Variants in TAFA1 observed in about 807,000 individuals in gnomAD.
TAFA1 encodes the protein chemokine-like protein TAFA-1.
TAFA1 carries 4 observed loss-of-function variants against 18.5 expected under a neutral mutation model. The ratio of observed to expected loss-of-function variants is 0.22; its 90% CI spans 0.11 to 0.49. The LOEUF is 0.49. Ranked by LOEUF, TAFA1 falls within the 20% of genes least tolerant of loss-of-function variation. The probability of loss-of-function intolerance (pLI) is 0.98; values close to 1 mark genes in which losing one functional copy is unlikely to be tolerated. For missense variants in TAFA1, 147 were observed against 169.0 expected (o/e 0.87, Z 0.72); for synonymous variants, 56 against 55.2 (o/e 1.01, Z -0.06).
intron 3 of TAFA1, among the ~76,000 whole-genome samples, chr3:68,431,280 A>C (rs1408961687): frequency 2.0e-5 from 3 of 152,024 alleles, no homozygotes; most frequent in African/African-American, 7.2e-5. Flanking sequence ...ATCTTCAAGC[A>C]CATAAGTTTG....
At chr3:68,502,825 T>C (rs1511900) in intron 3 of TAFA1, among the ~76,000 whole-genome samples, 30,830 of 151,984 alleles carry the variant, frequency 0.2, 3,227 homozygotes, top group Middle Eastern at 0.24. Flanking sequence ...AACCAAGCAT[T>C]ATTCTAAGAT....
intron 2 of TAFA1, among the ~76,000 whole-genome samples, chr3:68,197,893 T>C (rs2066430394): frequency 6.6e-6 from 1 of 151,708 alleles, no homozygotes; most frequent in African/African-American, 2.4e-5. Flanking sequence ...AGACTTGAAT[T>C]GTATGTAGTT....
At chr3:68,001,725 A>G (rs1704285726), upstream of TAFA1, among the ~76,000 whole-genome samples, 1 of 152,196 alleles carries the variant, frequency 6.6e-6, no homozygotes, top group African/African-American at 2.4e-5. Context: ...AATTCAATTA[A>G]TAAGTGAATT....
intron 2 of TAFA1, among the ~76,000 whole-genome samples, chr3:68,388,672 G>A (rs1229787559): frequency 2.0e-5 from 3 of 151,752 alleles, no homozygotes; most frequent in Non-Finnish European, 4.4e-5. Context: ...ATACGCTTTC[G>A]GCCTATATTC....
chr3:68,412,865 G>A (rs1268938771), intron 2 of TAFA1, among the ~76,000 whole-genome samples: 1 of 152,072 alleles, frequency 6.6e-6, no homozygotes, highest in African/African-American at 2.4e-5. Flanking sequence ...ATAGCAGCAT[G>A]ATTTATAGTC....
At chr3:68,527,246 G>C (rs2073122038) in intron 3 of TAFA1, among the ~76,000 whole-genome samples, 1 of 152,124 alleles carries the variant, frequency 6.6e-6, no homozygotes, top group African/African-American at 2.4e-5. Context: ...TCCAGGACTG[G>C]TATGCAGCCT....
chr3:68,068,939 A>G (rs1272321164), intron 2 of TAFA1, among the ~76,000 whole-genome samples: 1 of 152,220 alleles, frequency 6.6e-6, no homozygotes, highest in Non-Finnish European at 1.5e-5. Flanking sequence ...TCTAATACAA[A>G]GGTTGTCAGT....
intron 3 of TAFA1, among the ~76,000 whole-genome samples, chr3:68,451,117 G>C (rs534052342): frequency 1.3e-5 from 2 of 152,248 alleles, no homozygotes; most frequent in South Asian, 2.1e-4. Flanking sequence ...AACAAATAGG[G>C]TAGCCCAGTT....
chr3:68,454,579 G>A (rs1459664939), intron 3 of TAFA1, among the ~76,000 whole-genome samples: 1 of 152,100 alleles, frequency 6.6e-6, no homozygotes, highest in African/African-American at 2.4e-5. Context: ...GAGCCATTTG[G>A]ACACTATGTA....
intron 2 of TAFA1, among the ~76,000 whole-genome samples, chr3:68,215,372 A>G (rs577495897): frequency 6.6e-6 from 1 of 152,036 alleles, no homozygotes; most frequent in African/African-American, 2.4e-5. Context: ...CAATTTTTCC[A>G]TCTGAAAAAA....
chr3:68,186,828 T>C (rs1167213250), intron 2 of TAFA1, among the ~76,000 whole-genome samples: 1 of 152,102 alleles, frequency 6.6e-6, no homozygotes, highest in African/African-American at 2.4e-5. Flanking sequence ...CTCAAGCTTT[T>C]GGGATGGCCT....
chr3:68,478,874 T>G (rs552821933), intron 3 of TAFA1, among the ~76,000 whole-genome samples: 2 of 151,110 alleles, frequency 1.3e-5, no homozygotes, highest in Non-Finnish European at 1.5e-5. Flanking sequence ...TATTGAAATA[T>G]CTTTTAGAAG....
intron 2 of TAFA1, among the ~76,000 whole-genome samples, chr3:68,278,560 C>A (rs1366356174): frequency 1.3e-5 from 2 of 152,130 alleles, no homozygotes; most frequent in Non-Finnish European, 2.9e-5. Context: ...CACAGCCATG[C>A]ATCAAGTTTT....
At chr3:68,148,615 G>T (rs961329286) in intron 2 of TAFA1, among the ~76,000 whole-genome samples, 1 of 152,070 alleles carries the variant, frequency 6.6e-6, no homozygotes, top group South Asian at 2.1e-4. Flanking sequence ...GCTTCTCAGC[G>T]CTGTCTTTGT....
chr3:68,333,448 G>A (rs951221394), intron 2 of TAFA1, among the ~76,000 whole-genome samples: 1 of 152,106 alleles, frequency 6.6e-6, no homozygotes, highest in Non-Finnish European at 1.5e-5. Context: ...ATGAACACAA[G>A]GGAACATCAG....
chr3:68,328,417 G>T (rs762005205), intron 2 of TAFA1, among the ~76,000 whole-genome samples: 1 of 152,192 alleles, frequency 6.6e-6, no homozygotes, highest in African/African-American at 2.4e-5. Flanking sequence ...TCAGATTTGT[G>T]TTTGGGGAAA....
chr3:68,094,996 A>G (rs993700841), intron 2 of TAFA1, among the ~76,000 whole-genome samples: 1 of 152,198 alleles, frequency 6.6e-6, no homozygotes, highest in Non-Finnish European at 1.5e-5. Flanking sequence ...AATTACTCCT[A>G]TGGCAGACTG....
chr3:68,119,338 T>C (rs2065360630), intron 2 of TAFA1, among the ~76,000 whole-genome samples: 1 of 152,164 alleles, frequency 6.6e-6, no homozygotes, highest in Non-Finnish European at 1.5e-5. Flanking sequence ...ATACATTGCC[T>C]TTCCACTCTT....
chr3:68,358,123 A>T (rs1292760962), intron 2 of TAFA1, among the ~76,000 whole-genome samples: 62 of 151,956 alleles, frequency 4.1e-4, no homozygotes, highest in Non-Finnish European at 7.4e-5. Flanking sequence ...TAAAAGTCAA[A>T]TTCTGCTCCC....
Sources: gnomAD v4.1 joint callset for allele counts (sites outside exome capture counted in the v4.1 genomes callset) on GRCh38, gnomAD v4.1.1 for gene constraint, MANE v1.5 for transcripts, NCBI Gene and HGNC (gene_info 2026-07-23, HGNC 2026-07-21) for gene names.